Variants in PMEPA1 observed in about 807,000 individuals in gnomAD.
PMEPA1 encodes the protein protein TMEPAI.
Under a neutral mutation model 23.0 loss-of-function variants are expected in PMEPA1, and 11 were observed. The ratio of observed to expected loss-of-function variants is 0.48; its 90% CI spans 0.30 to 0.79. The LOEUF (loss-of-function observed/expected upper bound fraction) is 0.79, where lower values mean the gene tolerates loss of function less well. Ranked by LOEUF, PMEPA1 falls within the 30% of genes least tolerant of loss-of-function variation. PMEPA1 has a pLI of 0.06. For synonymous variants in PMEPA1, 204 were observed against 166.4 expected, an observed-to-expected ratio of 1.23 and a Z score of -1.74; for missense variants, 377 against 390.9, an observed-to-expected ratio of 0.96 and a Z score of 0.30.
chr20:57,709,916 TCCGCCG>T lies in PMEPA1; in HGVS notation c.-340_-335del, dbSNP rs1035195930. The T allele has an allele frequency of 3.5e-5, 35 of 1,004,734 alleles. No homozygotes were observed. The East Asian group carries it at 2.1e-3, about 60-fold the overall frequency. 62.2% of individuals were successfully genotyped at this position (1,004,734 alleles called of 1,614,324 possible). On this transcript the variant is annotated 5_prime_UTR_variant, in exon 1 of 4. Coordinates refer to ENST00000341744, the MANE Select transcript of PMEPA1 (RefSeq NM_020182.5). ...CGCTAGCTTTCCCCAGCCGAGCGCC[TCCGCCG>T]CCGCCGCCGCCGCCGCCTCCTCCTC...
At position 57,652,398 on chromosome 20, in the gene PMEPA1, C is replaced by T. The variant is rs373466486; in HGVS notation, c.519G>A (p.Glu173=). 3.7e-6 allele frequency: 6 copies of T among 1,613,686 alleles called. No individual in the cohort carries two copies. Among genetic ancestry groups the T allele is most frequent in the Non-Finnish European group, 4.2e-6 (5 of 1,179,922 alleles). Reference sequence around the variant, plus strand: ...ACTCCCGGTTCAGTTCCAGCTGCTGCTCGGGGTCCCGAAGCTGGAGGGTGC... The same window carrying T: ...ACTCCCGGTTCAGTTCCAGCTGCTGTTCGGGGTCCCGAAGCTGGAGGGTGC... ...GPCTLQLRDP[E]QQLELNRESV... is the part of the protein sequence containing the mutation. The change falls in exon 4 of 4, where the codon GAG becomes GAA. Residue 173 remains glutamate, a synonymous_variant. Coordinates refer to ENST00000341744, the MANE Select transcript of PMEPA1 (RefSeq NM_020182.5). This position sits in a 1 kb window ranked among gnomAD's most constrained non-coding sequence, Gnocchi z 6.1.
rs1054690740 is a variant in PMEPA1 at position 57,682,833 on chromosome 20, C to T, written c.110-23136G>A. Among the ~76,000 whole-genome samples the T allele has an allele frequency of 1.7e-4, 26 of 152,218 alleles. No homozygotes were observed. The highest frequency in any genetic ancestry group is 5.8e-4 in the African/African-American group (24 of 41,436). On this transcript the variant is annotated intron_variant, in intron 1 of 3. Transcript: ENST00000341744. This position sits in a 1 kb window ranked among gnomAD's most constrained non-coding sequence, Gnocchi z 4.4. Reference sequence around the variant, plus strand: ...GAGCAGGCCCCGCTGAAAAGGAAGGCGGCTCGCCAGATTTGTTTCGAATTA... The same window carrying T: ...GAGCAGGCCCCGCTGAAAAGGAAGGTGGCTCGCCAGATTTGTTTCGAATTA...
intron 1 of PMEPA1, among the ~76,000 whole-genome samples, chr20:57,703,368 G>T (rs1212814049): frequency 6.6e-6 from 1 of 152,212 alleles, no homozygotes; most frequent in Admixed American, 6.5e-5. Flanking sequence ...GAAGCTTCTG[G>T]GCTTTCTGCT....
In PMEPA1 at chr20:57,683,548, TGTGTGC is replaced by T. The variant is rs949754744; in HGVS notation, c.110-23857_110-23852del. ...CTAACTCGGTGGTGGTGTTCTGGCCTGTGTGCGTGTGTGTGTGTGTGTGTGTGTGTG... is the reference window on the plus strand; with the variant it reads ...CTAACTCGGTGGTGGTGTTCTGGCCTGTGTGTGTGTGTGTGTGTGTGTGTG... On this transcript the variant is annotated intron_variant, in intron 1 of 3. Transcript: ENST00000341744. This position sits in a 1 kb window ranked among gnomAD's most constrained non-coding sequence, Gnocchi z 4.3. Among the ~76,000 whole-genome samples the T allele has an allele frequency of 1.2e-4, 7 of 59,682 alleles. No homozygotes were observed. Among genetic ancestry groups the T allele is most frequent in the East Asian group, 4.7e-4 (1 of 2,120 alleles). The allele number at this position is 59,682 out of a possible 152,430, so 39.2% of individuals were successfully genotyped here.
intron 1 of PMEPA1, chr20:57,700,076 T>C: frequency 2.1e-6 from 1 of 471,278 alleles, no homozygotes; most frequent in Non-Finnish European, 4.4e-6. Context: ...GTCACTTTCA[T>C]GCTCCCAAAG....
intron 1 of PMEPA1, among the ~76,000 whole-genome samples, chr20:57,685,194 G>T (rs570507190): frequency 6.6e-6 from 1 of 151,984 alleles, no homozygotes; most frequent in South Asian, 2.1e-4. Flanking sequence ...GCTGCAAGCC[G>T]CAGTCACTCT....
chr20:57,651,854 C>CT lies in PMEPA1; in HGVS notation c.*198dup, dbSNP rs571898181. ...AACGTGGTTTTTTTTTTTCTTTTTT[C>CT]TTTTTTTTTTTGCAAGCTCTCTTAG... On this transcript the variant is annotated 3_prime_UTR_variant, in exon 4 of 4. Transcript: ENST00000341744. The CT allele has an allele frequency of 0.047, 12,042 of 255,560 alleles. 33 individuals are homozygous for CT. Among genetic ancestry groups the CT allele is most frequent in the Middle Eastern group, 0.095 (85 of 896 alleles). 15.8% of individuals were successfully genotyped at this position (255,560 alleles called of 1,614,324 possible).
intron 2 of PMEPA1, among the ~76,000 whole-genome samples, chr20:57,654,824 A>C (rs1252372147): frequency 6.6e-6 from 1 of 152,112 alleles, no homozygotes; most frequent in East Asian, 1.9e-4. Flanking sequence ...ACCATCTCCC[A>C]GAGGCTGCGA....
chr20:57,707,460 G>C (rs2072104982), intron 1 of PMEPA1, among the ~76,000 whole-genome samples: 1 of 152,152 alleles, frequency 6.6e-6, no homozygotes. Flanking sequence ...GGGCACCCAG[G>C]GGCCAGCTGG....
rs533758521 is a variant in PMEPA1 at position 57,690,286 on chromosome 20, G to A, written c.109+19188C>T. On this transcript the variant is annotated intron_variant, in intron 1 of 3. Transcript: ENST00000341744. ...CAGCGGCTTGGGGCACAGACCACCC[G>A]GGGGGGCCGGGCCCAGTGCCTGCAC... 1.8e-5 allele frequency: 10 copies of A among 544,554 alleles called. No individual in the cohort carries two copies. The East Asian group carries it at 6.2e-4, about 34-fold the overall frequency. 33.7% of individuals were successfully genotyped at this position (544,554 alleles called of 1,614,324 possible).
At chr20:57,705,569 C>G (rs1359601903) in intron 1 of PMEPA1, among the ~76,000 whole-genome samples, 1 of 152,242 alleles carries the variant, frequency 6.6e-6, no homozygotes, top group Admixed American at 6.5e-5. Context: ...CAAGAGGAAG[C>G]CCCTATCTTT....
intron 1 of PMEPA1, among the ~76,000 whole-genome samples, chr20:57,697,953 G>A (rs773753818): frequency 3.3e-5 from 5 of 152,248 alleles, no homozygotes; most frequent in African/African-American, 4.8e-5. Flanking sequence ...AGAGAAATGA[G>A]TAGGGAATGG....
intron 1 of PMEPA1, among the ~76,000 whole-genome samples, chr20:57,677,264 A>T (rs1314857642): frequency 6.6e-6 from 1 of 152,188 alleles, no homozygotes; most frequent in Non-Finnish European, 1.5e-5. Context: ...TGTACCATGG[A>T]GTGAACTATG....
intron 2 of PMEPA1, among the ~76,000 whole-genome samples, chr20:57,653,682 A>G (rs6025701): frequency 0.13 from 20,177 of 152,118 alleles, 2,855 homozygotes; most frequent in African/African-American, 0.36. Context: ...CATGCTGACC[A>G]GCCCCCTGGG....
chr20:57,668,811 G>A (rs556371463), intron 1 of PMEPA1, among the ~76,000 whole-genome samples: 71 of 152,320 alleles, frequency 4.7e-4, no homozygotes, highest in African/African-American at 1.4e-3. Flanking sequence ...ACCCTGGCAC[G>A]TGCCATTCTT....
intron 1 of PMEPA1, among the ~76,000 whole-genome samples, chr20:57,673,797 C>T (rs1229780379): frequency 6.6e-6 from 1 of 152,236 alleles, no homozygotes; most frequent in Non-Finnish European, 1.5e-5. Context: ...TACAGAGGCT[C>T]ACGGTGTGAA....
intron 1 of PMEPA1, among the ~76,000 whole-genome samples, chr20:57,664,253 C>A (rs572551547): frequency 1.3e-5 from 2 of 152,312 alleles, no homozygotes; most frequent in African/African-American, 4.8e-5. Context: ...ACAGCCACGC[C>A]CTGACACTGT....
rs573765438 is a variant in PMEPA1, at chr20:57,707,480, G to C, written c.109+1994C>G. Among the ~76,000 whole-genome samples the C allele has an allele frequency of 2.6e-5, 4 of 152,302 alleles. No homozygotes were observed. The East Asian group carries it at 7.7e-4, about 29-fold the overall frequency. On this transcript the variant is annotated intron_variant, in intron 1 of 3. Coordinates refer to ENST00000341744, the MANE Select transcript of PMEPA1 (RefSeq NM_020182.5). ...CCCAGGGGCCAGCTGGAACAGGCTA[G>C]GGTTCCAGGTATTAACCCCAAGGGT...
intron 1 of PMEPA1, among the ~76,000 whole-genome samples, chr20:57,707,144 G>A (rs1445200431): frequency 1.3e-5 from 2 of 152,088 alleles, no homozygotes; most frequent in Non-Finnish European, 2.9e-5. Context: ...TCAAGTTCTC[G>A]TTGCAAACAA....
Sources: gnomAD v4.1 joint callset for allele counts (sites outside exome capture counted in the v4.1 genomes callset) on GRCh38, gnomAD v4.1.1 for gene constraint, Gnocchi (gnomAD v3.1) non-coding constraint, MANE v1.5 for transcripts, NCBI Gene and HGNC (gene_info 2026-07-23, HGNC 2026-07-21) for gene names.